Variants in NKAIN2 observed in about 807,000 individuals in gnomAD.
NKAIN2 encodes the protein sodium/potassium transporting ATPase interacting 2.
NKAIN2 carries 14 observed loss-of-function variants against 32.6 expected under a neutral mutation model. The observed-to-expected ratio is 0.43, with a 90% CI of 0.28 to 0.67. NKAIN2 has a LOEUF of 0.67. Ranked by LOEUF, NKAIN2 falls within the 30% of genes least tolerant of loss-of-function variation. The pLI is 0.17. For missense variants in NKAIN2, 198 were observed against 258.3 expected, an observed-to-expected ratio of 0.77 and a Z score of 1.60; for synonymous variants, 80 against 87.2, an observed-to-expected ratio of 0.92 and a Z score of 0.46.
chr6:124,668,032 G>A lies in NKAIN2; in HGVS notation c.474+9646G>A, dbSNP rs559314780. Among the ~76,000 whole-genome samples, 10 of 152,168 alleles carry A rather than the reference G, an allele frequency of 6.6e-5. No individual in the cohort carries two copies. In the South Asian group the frequency reaches 1.7e-3, roughly 25 times the overall value. On this transcript the variant is annotated intron_variant, in intron 4 of 6. Transcript: ENST00000368417. ...TTCCTCTCCTCATGGCACTGTGGCT[G>A]CTTCTGTCCTGACTGCCATTTGTTT...
At chr6:124,649,983 C>G (rs1020950000) in intron 3 of NKAIN2, among the ~76,000 whole-genome samples, 29 of 152,102 alleles carry the variant, frequency 1.9e-4, no homozygotes, top group African/African-American at 6.5e-4. Flanking sequence ...TCTCAGTAAA[C>G]TAAGACAGAG....
intron 1 of NKAIN2, among the ~76,000 whole-genome samples, chr6:123,999,958 T>G (rs1164657864): frequency 6.6e-6 from 1 of 152,190 alleles, no homozygotes; most frequent in Admixed American, 6.5e-5. Context: ...TCATTATTAT[T>G]TTGTTAATAT....
intron 3 of NKAIN2, among the ~76,000 whole-genome samples, chr6:124,570,684 T>A (rs1781093263): frequency 6.6e-6 from 1 of 152,168 alleles, no homozygotes; most frequent in Non-Finnish European, 1.5e-5. Context: ...AGGCAAAAGT[T>A]TGCTGCAGGG....
chr6:124,756,096 T>C (rs1777953327), intron 4 of NKAIN2, among the ~76,000 whole-genome samples: 1 of 152,164 alleles, frequency 6.6e-6, no homozygotes, highest in Non-Finnish European at 1.5e-5. Flanking sequence ...AACTCATTTA[T>C]GCCTGTCTTT....
intron 1 of NKAIN2, among the ~76,000 whole-genome samples, chr6:123,941,150 A>C (rs1441463782): frequency 6.6e-6 from 1 of 151,826 alleles, no homozygotes; most frequent in Non-Finnish European, 1.5e-5. Flanking sequence ...CTCCACCTTT[A>C]TATCTTACAC....
intron 3 of NKAIN2, among the ~76,000 whole-genome samples, chr6:124,526,904 C>A (rs1779339797): frequency 6.6e-6 from 1 of 152,134 alleles, no homozygotes; most frequent in Admixed American, 6.5e-5. Context: ...CCAAAAAGAT[C>A]TATCTCCAGG....
At chr6:124,363,136 G>A (rs1162245014) in intron 3 of NKAIN2, among the ~76,000 whole-genome samples, 5 of 152,088 alleles carry the variant, frequency 3.3e-5, no homozygotes, top group Non-Finnish European at 1.5e-5. Context: ...CGCTCAGCCA[G>A]AATTTTTTAT....
At chr6:124,640,249 C>A (rs1783934349) in intron 3 of NKAIN2, among the ~76,000 whole-genome samples, 1 of 152,090 alleles carries the variant, frequency 6.6e-6, no homozygotes, top group Non-Finnish European at 1.5e-5. Context: ...TGGTGGGGAA[C>A]TATTGAGGAG....
chr6:123,839,928 A>G (rs1334681586), intron 1 of NKAIN2, among the ~76,000 whole-genome samples: 1 of 152,136 alleles, frequency 6.6e-6, no homozygotes, highest in Non-Finnish European at 1.5e-5. Flanking sequence ...CAAAACTCTT[A>G]ACAGCAATAA....
At chr6:124,010,806 T>C (rs1181055741) in intron 1 of NKAIN2, among the ~76,000 whole-genome samples, 2 of 152,120 alleles carry the variant, frequency 1.3e-5, no homozygotes, top group African/African-American at 2.4e-5. Context: ...TATCTTATGA[T>C]TCTTCTTATT....
intron 1 of NKAIN2, among the ~76,000 whole-genome samples, chr6:124,280,162 A>G: frequency 6.6e-6 from 1 of 152,190 alleles, no homozygotes; most frequent in East Asian, 1.9e-4. Context: ...ACAAGGACCA[A>G]AAGTAAATAC....
At chr6:124,646,980 CA>C (rs770124771) in intron 3 of NKAIN2, among the ~76,000 whole-genome samples, 1 of 150,906 alleles carries the variant, frequency 6.6e-6, no homozygotes, top group Non-Finnish European at 1.5e-5. Flanking sequence ...AAAAACAAAA[CA>C]AAAAAAGCAA....
At chr6:124,404,914 C>G (rs762121129) in intron 3 of NKAIN2, among the ~76,000 whole-genome samples, 4 of 151,922 alleles carry the variant, frequency 2.6e-5, no homozygotes, top group Non-Finnish European at 4.4e-5. Context: ...CTGTATCTTC[C>G]CATTGCAATG....
intron 2 of NKAIN2, among the ~76,000 whole-genome samples, chr6:124,286,669 TGTGTGCGCGCGC>T (rs1795561933): frequency 1.7e-5 from 2 of 120,826 alleles, no homozygotes; most frequent in African/African-American, 1.0e-4. Flanking sequence ...TGTGTGTGTG[TGTGTGCGCGCGC>T]GTGTGTGTGT....
intron 1 of NKAIN2, among the ~76,000 whole-genome samples, chr6:124,198,507 G>T (rs923352268): frequency 6.6e-6 from 1 of 151,656 alleles, no homozygotes; most frequent in Non-Finnish European, 1.5e-5. Context: ...CTTCTCTATT[G>T]ATAGGAAGCT....
chr6:124,029,845 T>A (rs1781327409), intron 1 of NKAIN2, among the ~76,000 whole-genome samples: 1 of 152,106 alleles, frequency 6.6e-6, no homozygotes, highest in African/African-American at 2.4e-5. Flanking sequence ...GTTAGATCAG[T>A]GGCAGCATTA....
intron 1 of NKAIN2, among the ~76,000 whole-genome samples, chr6:124,224,044 A>G (rs1313049686): frequency 1.3e-5 from 2 of 152,176 alleles, no homozygotes; most frequent in Non-Finnish European, 2.9e-5. Flanking sequence ...TTTTTAATTG[A>G]TATTACAATC....
chr6:124,615,755 A>G (rs1052300209), intron 3 of NKAIN2, among the ~76,000 whole-genome samples: 3 of 152,142 alleles, frequency 2.0e-5, no homozygotes, highest in African/African-American at 7.2e-5. Context: ...ATATTGTCCT[A>G]CAGATTCCTG....
At chr6:124,109,617 T>C (rs1785277880) in intron 1 of NKAIN2, among the ~76,000 whole-genome samples, 1 of 152,048 alleles carries the variant, frequency 6.6e-6, no homozygotes, top group Admixed American at 6.6e-5. Context: ...TCTGGCACAG[T>C]TGCTCTGGAG....
Sources: gnomAD v4.1 joint callset for allele counts (sites outside exome capture counted in the v4.1 genomes callset) on GRCh38, gnomAD v4.1.1 for gene constraint, MANE v1.5 for transcripts, NCBI Gene and HGNC (gene_info 2026-07-23, HGNC 2026-07-21) for gene names.